ZNRF1: variants seen among roughly 807,000 people sequenced by gnomAD.
ZNRF1 encodes zinc and ring finger 1, also known as E3 ubiquitin-protein ligase ZNRF1.
In ZNRF1, 3 loss-of-function variants were observed where a neutral mutation model predicts 18.4. That is an observed-to-expected ratio of 0.16 (90% CI 0.07 to 0.42). ZNRF1 has a LOEUF of 0.42. Among genes scored for constraint, ZNRF1 ranks in the 10% least tolerant of loss-of-function variants. ZNRF1 has a pLI of 0.99. For missense variants in ZNRF1, 310 were observed against 329.8 expected, an observed-to-expected ratio of 0.94 and a Z score of 0.47; for synonymous variants, 157 against 144.2, an observed-to-expected ratio of 1.09 and a Z score of -0.64.
intron 1 of ZNRF1, among the ~76,000 whole-genome samples, chr16:75,009,781 C>T (rs981745824): frequency 1.2e-4 from 18 of 151,708 alleles, no homozygotes; most frequent in African/African-American, 4.1e-4. Context: ...AGTTTCTCCA[C>T]ATCCTTGCCA....
intron 1 of ZNRF1, 122 bp downstream of exon 1, chr16:75,000,217 T>G: frequency 2.2e-6 from 3 of 1,368,870 alleles, no homozygotes; most frequent in Non-Finnish European, 3.0e-6. Context: ...TTCCCTTTGG[T>G]TCCCGATGCC....
chr16:75,047,571 T>C (rs912021068), intron 1 of ZNRF1, among the ~76,000 whole-genome samples: 12 of 152,246 alleles, frequency 7.9e-5, no homozygotes, highest in African/African-American at 2.7e-4. Flanking sequence ...CTAATTGTTA[T>C]TGGCATGTGG....
intron 1 of ZNRF1, among the ~76,000 whole-genome samples, chr16:75,068,873 C>CT (rs112384068): frequency 5.6e-4 from 82 of 147,540 alleles, no homozygotes; most frequent in South Asian, 8.6e-4. Context: ...TTGTCTGAGT[C>CT]TTTTTTTTTT....
chr16:75,017,310 G>C (rs750051831), intron 1 of ZNRF1, among the ~76,000 whole-genome samples: 1 of 151,976 alleles, frequency 6.6e-6, no homozygotes, highest in Non-Finnish European at 1.5e-5. Flanking sequence ...TTGTAAATTT[G>C]GGCTTATCCA....
chr16:75,090,957 C>G (rs572724644), intron 1 of ZNRF1, among the ~76,000 whole-genome samples: 31 of 152,278 alleles, frequency 2.0e-4, no homozygotes, highest in African/African-American at 6.3e-4. Context: ...AACTATGTTG[C>G]TCAGGCTAGT....
intron 1 of ZNRF1, among the ~76,000 whole-genome samples, chr16:75,084,144 T>C (rs2036047703): frequency 6.6e-6 from 1 of 152,178 alleles, no homozygotes; most frequent in Admixed American, 6.5e-5. Flanking sequence ...TAAAGTCCGC[T>C]TGGGTGTGTG....
intron 1 of ZNRF1, among the ~76,000 whole-genome samples, chr16:75,070,766 C>T (rs146450533): frequency 6.6e-6 from 1 of 152,032 alleles, no homozygotes; most frequent in African/African-American, 2.4e-5. Context: ...TTAAGTAGAT[C>T]GGATCAGATA....
In ZNRF1 at chr16:75,095,840, G is replaced by C; in HGVS notation, c.520+2173G>C. The C allele has an allele frequency of 2.3e-6, 3 of 1,282,206 alleles. No individual in the cohort carries two copies. In the South Asian group the frequency reaches 6.0e-5, roughly 26 times the overall value. 79.4% of individuals were successfully genotyped at this position (1,282,206 alleles called of 1,614,324 possible). ...CCTCTGTATCAGCACTTGAGTGCCT[G>C]GCGCTGTTGGTTTACCCCCCTACAC... On this transcript the variant is annotated intron_variant, in intron 2 of 4. Transcript: ENST00000335325.
rs1054739310 is a variant in ZNRF1 at position 75,085,819 on chromosome 16, TGA to T, written c.425-7751_425-7750del. ...GAGAGAGAGAGAGAGAGAGAGAGAG[TGA>T]GTGTGTGTGTGTGTGTGTGTGTAGA... On this transcript the variant is annotated intron_variant, in intron 1 of 4. Coordinates refer to ENST00000335325, the MANE Select transcript of ZNRF1 (RefSeq NM_032268.5). Among the ~76,000 whole-genome samples, 550 of 56,082 alleles carry T rather than the reference TGA, an allele frequency of 9.8e-3. 5 individuals carry two copies. The highest frequency in any genetic ancestry group is 0.029 in the African/African-American group (520 of 17,978). 36.8% of individuals were successfully genotyped at this position (56,082 alleles called of 152,430 possible).
At chr16:75,007,776 C>G (rs1396745254) in intron 1 of ZNRF1, among the ~76,000 whole-genome samples, 1 of 152,222 alleles carries the variant, frequency 6.6e-6, no homozygotes, top group Admixed American at 6.5e-5. Context: ...CTAAACTCCA[C>G]CAAGCATTTA....
intron 1 of ZNRF1, among the ~76,000 whole-genome samples, chr16:75,089,065 C>G (rs1264698154): frequency 6.6e-6 from 1 of 152,136 alleles, no homozygotes; most frequent in East Asian, 1.9e-4. Context: ...GCCAGGTCAT[C>G]ATGTGATTTC....
chr16:75,045,556 C>CTTGT (rs67324313), intron 1 of ZNRF1, among the ~76,000 whole-genome samples: 10 of 151,114 alleles, frequency 6.6e-5, no homozygotes, highest in East Asian at 2.0e-4. Context: ...TAGTAATAGA[C>CTTGT]TTGTTTGTTT....
chr16:75,000,136 C>T, intron 1 of ZNRF1, 41 bp downstream of exon 1: 2 of 1,571,920 alleles, frequency 1.3e-6, no homozygotes, highest in Non-Finnish European at 1.7e-6. Flanking sequence ...GGAGGGCGCG[C>T]CGGGGCGCCC....
chr16:75,056,344 G>A (rs1464813832), intron 1 of ZNRF1, among the ~76,000 whole-genome samples: 1 of 152,202 alleles, frequency 6.6e-6, no homozygotes, highest in African/African-American at 2.4e-5. Flanking sequence ...GAGTATGGTG[G>A]AAGATTCCAT....
intron 2 of ZNRF1, among the ~76,000 whole-genome samples, chr16:75,097,251 T>C (rs2036210613): frequency 6.6e-6 from 1 of 152,028 alleles, no homozygotes; most frequent in Non-Finnish European, 1.5e-5. Flanking sequence ...GGGGGTCTGA[T>C]TGGTGATGCT....
Position 75,096,244 on chromosome 16 carries a change from C to T in ZNRF1, c.520+2577C>T, listed in dbSNP as rs148660179. ...AGTGCTTTGTTCAGAAACAATGGTC[C>T]GGCCCTCTGTGGACCCTGTTCATGT... On this transcript the variant is annotated intron_variant, in intron 2 of 4. Transcript: ENST00000335325. Among the ~76,000 whole-genome samples the T allele has an allele frequency of 5.9e-5, 9 of 152,214 alleles. No individual in the cohort carries two copies. The East Asian group carries it at 9.7e-4, about 16-fold the overall frequency.
intron 1 of ZNRF1, among the ~76,000 whole-genome samples, chr16:75,059,229 CTTTTTTTTTTTTTTTCTTTT>C (rs1237229416): frequency 2.2e-5 from 2 of 92,878 alleles, no homozygotes; most frequent in African/African-American, 3.8e-5. Context: ...TTCTTTCTTT[CTTTTTTTTTTTTTTTCTTTT>C]TTTTTTTTTT....
chr16:75,036,775 A>G (rs1415684204), intron 1 of ZNRF1, among the ~76,000 whole-genome samples: 2 of 152,014 alleles, frequency 1.3e-5, no homozygotes, highest in Admixed American at 6.5e-5. Context: ...CCTGGATGGT[A>G]TATGTTTGTA....
intron 1 of ZNRF1, among the ~76,000 whole-genome samples, chr16:75,009,773 T>C (rs1396527333): frequency 2.6e-5 from 4 of 152,080 alleles, no homozygotes; most frequent in Non-Finnish European, 5.9e-5. Flanking sequence ...AGGCTTCCAG[T>C]TTCTCCACAT....
Sources: allele counts gnomAD v4.1 joint callset (sites outside exome capture counted in the v4.1 genomes callset), GRCh38; gene constraint gnomAD v4.1.1; transcripts MANE v1.5; gene names NCBI Gene and HGNC (gene_info 2026-07-23, HGNC 2026-07-21).